SLC13A4: variants seen among roughly 807,000 people sequenced by gnomAD.
SLC13A4 encodes solute carrier family 13 member 4, also known as Na(+)/sulfate cotransporter SUT-1.
A neutral mutation model predicts 72.7 loss-of-function variants in SLC13A4; 28 were observed. The ratio of observed to expected loss-of-function variants is 0.39; its 90% confidence interval spans 0.29 to 0.53. The LOEUF is 0.53. Ranked by LOEUF, SLC13A4 falls within the 20% of genes least tolerant of loss-of-function variation. The probability of loss-of-function intolerance (pLI) is 0.78; values close to 1 mark genes in which losing one functional copy is unlikely to be tolerated. For synonymous variants in SLC13A4, 312 were observed against 325.5 expected, an observed-to-expected ratio of 0.96 and a Z score of 0.45; for missense variants, 653 against 788.0, an observed-to-expected ratio of 0.83 and a Z score of 2.05.
intron 12 of SLC13A4, 102 bp from the exon 13 acceptor site, chr7:135,691,427 T>TG: frequency 2.0e-6 from 1 of 509,498 alleles, no homozygotes; most frequent in Non-Finnish European, 3.3e-6. Context: ...TACTGCTATT[T>TG]GGGGCGGGGG....
chr7:135,708,858 T>G (rs1286815258), intron 2 of SLC13A4, among the ~76,000 whole-genome samples: 1 of 151,756 alleles, frequency 6.6e-6, no homozygotes, highest in East Asian at 1.9e-4. Context: ...TATCTTGCCT[T>G]TTTTTCATTT....
intron 10 of SLC13A4, chr7:135,693,393 A>G (rs1472759971): frequency 6.6e-6 from 1 of 150,458 alleles, no homozygotes; most frequent in Non-Finnish European, 1.5e-5. Context: ...TTTTACCAAA[A>G]ATACATAAGA....
intron 13 of SLC13A4, among the ~76,000 whole-genome samples, chr7:135,689,219 G>A (rs1292943428): frequency 1.3e-5 from 2 of 151,954 alleles, no homozygotes; most frequent in African/African-American, 4.8e-5. Context: ...ATCTTGCCAG[G>A]CCAATCTTGT....
At chr7:135,703,207 C>A (rs1053826861) in intron 5 of SLC13A4, 2 of 322,578 alleles carry the variant, frequency 6.2e-6, no homozygotes, top group Non-Finnish European at 1.1e-5. Context: ...CATTGTTAAT[C>A]CTCATCACAG....
chr7:135,697,602 T>TC (rs766248926), intron 8 of SLC13A4, among the ~76,000 whole-genome samples: 30,437 of 149,110 alleles, frequency 0.2, 3,466 homozygotes, highest in East Asian at 0.43. Context: ...TTTTTTTTTT[T>TC]CTTTTTCATC....
At chr7:135,726,896 C>T (rs1796669923) in intron 1 of SLC13A4, among the ~76,000 whole-genome samples, 2 of 152,238 alleles carry the variant, frequency 1.3e-5, no homozygotes, top group African/African-American at 2.4e-5. Context: ...CAACTGTGGT[C>T]ATCGAAGCCC....
chr7:135,685,280 C>T (rs750309100), intron 14 of SLC13A4, among the ~76,000 whole-genome samples: 4 of 152,340 alleles, frequency 2.6e-5, no homozygotes, highest in Non-Finnish European at 2.9e-5. Flanking sequence ...CTAAACTAAT[C>T]CTACTCTTTT....
rs1421207491 is a variant in SLC13A4 at position 135,721,463 on chromosome 7, G to T, written c.160C>A (p.Pro54Thr). The change falls in exon 2 of 16, where the codon CCT becomes ACT. Residue 54 changes from proline to threonine, a missense_variant. Transcript: ENST00000682651. ...GGCACCAGGGCTGCAGCTCCCAGAG[G>T]CACTGCCTCCGACACCCAGTACACA... ...TAVYWVSEAV[P>T]LGAAALVPAF... 6.2e-7 allele frequency: 1 copy of T among 1,614,024 alleles called. No individual in the cohort carries two copies. Among genetic ancestry groups the T allele is most frequent in the African/African-American group, 1.3e-5 (1 of 74,914 alleles).
At chr7:135,720,091 T>C (rs1479021235) in intron 2 of SLC13A4, among the ~76,000 whole-genome samples, 3 of 152,244 alleles carry the variant, frequency 2.0e-5, no homozygotes, top group East Asian at 3.9e-4. Flanking sequence ...ATTAGAGGAT[T>C]GCCTAATTCT....
intron 2 of SLC13A4, 96 bp downstream of exon 2, chr7:135,721,299 A>G (rs1053054587): frequency 2.6e-5 from 38 of 1,456,686 alleles, no homozygotes; most frequent in Non-Finnish European, 3.0e-5. Context: ...AGGCCCCCTC[A>G]TCGTCAAGTG....
chr7:135,691,753 C>A, intron 11 of SLC13A4, 108 bp from the exon 12 acceptor site: 1 of 709,674 alleles, frequency 1.4e-6, no homozygotes, highest in Non-Finnish European at 2.4e-6. Context: ...TAGGACTTAT[C>A]TAGAGGTAAC....
chr7:135,703,011 G>T, intron 5 of SLC13A4, 127 bp from the exon 6 acceptor site: 1 of 687,208 alleles, frequency 1.5e-6, no homozygotes, highest in South Asian at 1.7e-5. Context: ...CTAGTCTCCA[G>T]AGAAGACTAA....
chr7:135,723,572 C>T (rs150337995), intron 1 of SLC13A4, among the ~76,000 whole-genome samples: 15 of 152,314 alleles, frequency 9.8e-5, no homozygotes, highest in East Asian at 5.8e-4. Flanking sequence ...CATCAGGACT[C>T]GTGTCTGATT....
chr7:135,691,268 T>C lies in SLC13A4; in HGVS notation c.1379A>G (p.Gln460Arg), dbSNP rs1357590051. ...GACAATCTCCCAGGGCATGGTCTTC[T>C]GGAAGTCCTTCCACGTGATGATGGG... ...TEPIITWKDF[Q>R]KTMPWEIVIL... is the part of the protein sequence containing the mutation. Residue 460 changes from glutamine (Q) to arginine (R), a missense_variant, in exon 13 of 16, where the codon CAG (glutamine) becomes CGG (arginine). Gln to Arg is a conservative substitution (Grantham distance 43, BLOSUM62 1). Coordinates refer to ENST00000682651, the MANE Select transcript of SLC13A4 (RefSeq NM_001318192.2). 5 of 1,613,764 alleles carry C rather than the reference T, an allele frequency of 3.1e-6. No homozygotes were observed. Among genetic ancestry groups the C allele is most frequent in the Admixed American group, 1.7e-5 (1 of 59,972 alleles).
intron 2 of SLC13A4, among the ~76,000 whole-genome samples, chr7:135,711,963 ATTTTTTTTTTTTTTTTT>A (rs529940903): frequency 9.2e-4 from 43 of 46,900 alleles, no homozygotes; most frequent in South Asian, 3.0e-3. Flanking sequence ...ATGTTTTTGG[ATTTTTTTTTTTTTTTTT>A]TTTTTTTTTT....
At chr7:135,697,588 T>G (rs1471710749) in intron 8 of SLC13A4, among the ~76,000 whole-genome samples, 1 of 138,462 alleles carries the variant, frequency 7.2e-6, no homozygotes, top group African/African-American at 2.7e-5. Flanking sequence ...CTGTTCTCCT[T>G]TTTTTTTTTT....
chr7:135,684,026 G>A, intron 15 of SLC13A4, 98 bp downstream of exon 15: 3 of 1,381,036 alleles, frequency 2.2e-6, no homozygotes, highest in Non-Finnish European at 2.9e-6. Flanking sequence ...ACAGGCCAGG[G>A]ACACTGCTAC....
intron 13 of SLC13A4, 71 bp from the exon 14 acceptor site, chr7:135,685,754 G>T: frequency 1.4e-6 from 2 of 1,404,602 alleles, no homozygotes; most frequent in African/African-American, 1.4e-5. Flanking sequence ...TTAGACTTCA[G>T]AAGGTCAGGG....
intron 2 of SLC13A4, 34 bp from the exon 3 acceptor site, chr7:135,708,284 C>T (rs73160733): frequency 0.019 from 30,522 of 1,613,062 alleles, 346 homozygotes; most frequent in South Asian, 0.028. Context: ...GTCACCCTCC[C>T]GGACCAAAGA....
Sources: allele counts gnomAD v4.1 joint callset (sites outside exome capture counted in the v4.1 genomes callset), GRCh38; gene constraint gnomAD v4.1.1; transcripts MANE v1.5; gene names NCBI Gene and HGNC (gene_info 2026-07-23, HGNC 2026-07-21).